Variants in LIMCH1 observed in about 807,000 individuals in gnomAD.
The protein encoded by LIMCH1 is LIM and calponin homology domains 1, also known as LIM and calponin homology domains-containing protein 1.
LIMCH1 carries 113 observed loss-of-function variants against 176.5 expected under a neutral mutation model. The observed-to-expected ratio is 0.64, with a 90% CI of 0.55 to 0.75. The LOEUF is 0.75. Among genes scored for constraint, LIMCH1 ranks in the 30% least tolerant of loss-of-function variants. The pLI, the probability that LIMCH1 is intolerant of heterozygous loss-of-function variation, is 0.00. For synonymous variants in LIMCH1, 619 were observed against 645.9 expected, an observed-to-expected ratio of 0.96 and a Z score of 0.63; for missense variants, 1,674 against 1,814.9, an observed-to-expected ratio of 0.92 and a Z score of 1.41.
chr4:41,429,333 T>C (rs1026208391), intron 1 of LIMCH1, among the ~76,000 whole-genome samples: 3 of 152,182 alleles, frequency 2.0e-5, no homozygotes, highest in Admixed American at 1.3e-4. Flanking sequence ...TTTTTTTAAA[T>C]ATAAATTCAC....
At chr4:41,639,110 A>G (rs2093715161) in intron 14 of LIMCH1, 143 bp downstream of exon 14, 2 of 636,588 alleles carry the variant, frequency 3.1e-6, no homozygotes, top group South Asian at 4.2e-5. Context: ...TGAAGTTGGA[A>G]TGCAGAGCAT....
At chr4:41,600,352 A>G (rs958433564) in intron 2 of LIMCH1, among the ~76,000 whole-genome samples, 1 of 152,084 alleles carries the variant, frequency 6.6e-6, no homozygotes, top group African/African-American at 2.4e-5. Context: ...GTTCTGCCTC[A>G]TCTCCCATTC....
At chr4:41,432,991 C>T (rs1275344496) in intron 1 of LIMCH1, among the ~76,000 whole-genome samples, 2 of 152,206 alleles carry the variant, frequency 1.3e-5, no homozygotes, top group Non-Finnish European at 2.9e-5. Flanking sequence ...ATGTTCTTTG[C>T]ATTCTTGAGG....
chr4:41,592,970 A>G (rs1279451966), intron 1 of LIMCH1, among the ~76,000 whole-genome samples: 1 of 152,246 alleles, frequency 6.6e-6, no homozygotes, highest in African/African-American at 2.4e-5. Flanking sequence ...GATACCTAGA[A>G]GAGTACGTAG....
At chr4:41,479,294 C>A (rs1467524555) in intron 1 of LIMCH1, among the ~76,000 whole-genome samples, 1 of 152,198 alleles carries the variant, frequency 6.6e-6, no homozygotes, top group Non-Finnish European at 1.5e-5. Flanking sequence ...ACTTGGTCCT[C>A]CAGGCTAGAG....
chr4:41,637,272 T>G (rs1218145211), intron 13 of LIMCH1, among the ~76,000 whole-genome samples: 4 of 152,180 alleles, frequency 2.6e-5, no homozygotes, highest in African/African-American at 4.8e-5. Flanking sequence ...CACTGCAACC[T>G]CTGCCTCCCC....
chr4:41,364,208 A>G (rs541636420), intron 1 of LIMCH1, among the ~76,000 whole-genome samples: 1 of 152,214 alleles, frequency 6.6e-6, no homozygotes, highest in Non-Finnish European at 1.5e-5. Flanking sequence ...GAGTGCTGTC[A>G]GGATTAAATC....
intron 1 of LIMCH1, among the ~76,000 whole-genome samples, chr4:41,458,437 T>C (rs2064882521): frequency 6.6e-6 from 1 of 151,928 alleles, no homozygotes; most frequent in South Asian, 2.1e-4. Context: ...TCAGTTTGGG[T>C]TTGGGCAAGG....
At chr4:41,642,737 C>CTTTTTTTTTTTTTTTT (rs368906535) in intron 14 of LIMCH1, among the ~76,000 whole-genome samples, 2 of 136,402 alleles carry the variant, frequency 1.5e-5, no homozygotes, top group African/African-American at 2.7e-5. Flanking sequence ...TTTCTTTTTT[C>CTTTTTTTTTTTTTTTT]TTTTTTTTTT....
chr4:41,647,292 A>G (rs531084513), intron 17 of LIMCH1, among the ~76,000 whole-genome samples: 1 of 152,354 alleles, frequency 6.6e-6, no homozygotes, highest in Non-Finnish European at 1.5e-5. Context: ...TGGTTCAAAT[A>G]GAAGTATATG....
intron 21 of LIMCH1, among the ~76,000 whole-genome samples, chr4:41,667,322 C>T (rs2094861880): frequency 6.6e-6 from 1 of 151,848 alleles, no homozygotes; most frequent in South Asian, 2.1e-4. Flanking sequence ...AAATCATTCA[C>T]CATCATAGAT....
chr4:41,631,548 G>T (rs562790046), intron 10 of LIMCH1, 71 bp downstream of exon 10: 226 of 1,269,236 alleles, frequency 1.8e-4, no homozygotes, highest in Non-Finnish European at 2.4e-4. Flanking sequence ...GTTTGCTGAA[G>T]CACATTATAC....
At chr4:41,641,090 C>T (rs555797070) in intron 14 of LIMCH1, among the ~76,000 whole-genome samples, 5 of 152,218 alleles carry the variant, frequency 3.3e-5, no homozygotes, top group East Asian at 1.9e-4. Flanking sequence ...AATTCCATCC[C>T]GGCCCTCAAA....
chr4:41,662,812 C>T lies in LIMCH1; in HGVS notation c.3128-9C>T. ...CTTCTGTACGTTTCTGGATGTAACT[C>T]CATTGCAGAACCACAGCATTTTACA... is the stretch of plus-strand genomic sequence containing the variant. On this transcript the variant is annotated splice_polypyrimidine_tract_variant and intron_variant, in intron 19 of 31. Transcript: ENST00000503057. 1.2e-6 allele frequency: 2 copies of T among 1,613,856 alleles called. No homozygotes were observed. The highest frequency in any genetic ancestry group is 2.2e-5 in the South Asian group (2 of 91,046).
chr4:41,485,771 C>T (rs1313277837), intron 1 of LIMCH1, among the ~76,000 whole-genome samples: 1 of 152,058 alleles, frequency 6.6e-6, no homozygotes, highest in Non-Finnish European at 1.5e-5. Context: ...GGAATGGTAG[C>T]ATGATTTAAT....
chr4:41,630,484 A>G (rs1244851471), intron 9 of LIMCH1, among the ~76,000 whole-genome samples: 1 of 152,228 alleles, frequency 6.6e-6, no homozygotes, highest in Non-Finnish European at 1.5e-5. Context: ...TGACTTTCAA[A>G]TAATTTTAAT....
chr4:41,399,685 CTTTT>C (rs56174007), intron 1 of LIMCH1, among the ~76,000 whole-genome samples: 1 of 95,786 alleles, frequency 1.0e-5, no homozygotes, highest in East Asian at 3.2e-4. Flanking sequence ...GGTGGATACT[CTTTT>C]TTTTTTTTTT....
intron 2 of LIMCH1, among the ~76,000 whole-genome samples, chr4:41,511,340 G>C (rs905596828): frequency 2.0e-5 from 3 of 152,094 alleles, no homozygotes; most frequent in Admixed American, 2.0e-4. Flanking sequence ...AACGCAATGG[G>C]CACCTTTCCC....
At position 41,631,193 on chromosome 4, in the gene LIMCH1, A is replaced by T; in HGVS notation, c.1317A>T (p.Glu439Asp). The T allele has an allele frequency of 6.5e-7, 1 of 1,535,948 alleles. No homozygotes were observed. Among genetic ancestry groups the T allele is most frequent in the Non-Finnish European group, 8.7e-7 (1 of 1,146,874 alleles). ...TCTGTGCTTCTGAGCCTTCCCCAGA[A>T]ATTAAAGCAGAAACTGCCATTCGTG... ...QHICASEPSP[E>D]IKAETAIRDD... Residue 439 changes from glutamate (E) to aspartate (D), a missense_variant, in exon 10 of 32, where the codon GAA becomes GAT. By Grantham distance (45) the Glu-to-Asp change is conservative. Coordinates refer to ENST00000503057, the MANE Select transcript of LIMCH1 (RefSeq NM_001330672.2).
Sources: allele counts gnomAD v4.1 joint callset (sites outside exome capture counted in the v4.1 genomes callset), GRCh38; gene constraint gnomAD v4.1.1; transcripts MANE v1.5; gene names NCBI Gene and HGNC (gene_info 2026-07-23, HGNC 2026-07-21).